The following SKAP2 variants were observed in gnomAD, a reference collection of about 807,000 sequenced individuals.
SKAP2 encodes the protein src kinase-associated phosphoprotein 2.
In SKAP2, 28 loss-of-function variants were observed where a neutral mutation model predicts 54.9. The observed-to-expected ratio is 0.51, with a 90% CI of 0.38 to 0.70. The LOEUF (loss-of-function observed/expected upper bound fraction) is 0.70. SKAP2 is among the 30% of genes least tolerant of loss of function. SKAP2 has a pLI of 0.00. For synonymous variants in SKAP2, 137 were observed against 134.3 expected (o/e 1.02, Z -0.14); for missense variants, 356 against 424.1 (o/e 0.84, Z 1.41).
intron 9 of SKAP2, among the ~76,000 whole-genome samples, chr7:26,719,257 C>T (rs1053921043): frequency 6.6e-6 from 1 of 152,140 alleles, no homozygotes; most frequent in African/African-American, 2.4e-5. Context: ...CACAGTATGG[C>T]TTGTTGTGAA....
chr7:26,766,529 A>AGG (rs1740757285), intron 4 of SKAP2, among the ~76,000 whole-genome samples: 1 of 152,238 alleles, frequency 6.6e-6, no homozygotes, highest in Admixed American at 6.5e-5. Flanking sequence ...GTGGTGAAAG[A>AGG]GGGCATCCTT....
chr7:26,712,940 C>A (rs899463780), intron 9 of SKAP2, among the ~76,000 whole-genome samples: 1 of 152,152 alleles, frequency 6.6e-6, no homozygotes, highest in Non-Finnish European at 1.5e-5. Context: ...TTTGTGTGGG[C>A]AATCTTATAT....
chr7:26,690,175 T>C, intron 10 of SKAP2, 110 bp downstream of exon 10: 1 of 773,704 alleles, frequency 1.3e-6, no homozygotes, highest in Non-Finnish European at 2.2e-6. Context: ...AAGCCAAAAA[T>C]GCCAACTTTG....
At chr7:26,696,219 G>A (rs765694578) in intron 9 of SKAP2, among the ~76,000 whole-genome samples, 1 of 152,082 alleles carries the variant, frequency 6.6e-6, no homozygotes, top group Non-Finnish European at 1.5e-5. Context: ...TTATTTTACA[G>A]CAATAAAATA....
chr7:26,787,743 G>A (rs750233676), intron 4 of SKAP2, among the ~76,000 whole-genome samples: 2 of 152,152 alleles, frequency 1.3e-5, no homozygotes, highest in Non-Finnish European at 2.9e-5. Flanking sequence ...GATCTCACAA[G>A]TACTCACTCA....
At chr7:26,863,780 CA>C (rs1049381628) in intron 1 of SKAP2, among the ~76,000 whole-genome samples, 1 of 152,120 alleles carries the variant, frequency 6.6e-6, no homozygotes, top group Non-Finnish European at 1.5e-5. Context: ...GACAAGTGGC[CA>C]TTTGAGAACC....
Position 26,738,871 on chromosome 7 carries a change from G to A in SKAP2, c.393C>T (p.Ser131=), listed in dbSNP as rs34506751. 5,549 of 1,590,752 alleles carry A rather than the reference G, an allele frequency of 3.5e-3. 151 individuals are homozygous for A. The African/African-American group carries it at 0.061, about 18-fold the overall frequency. Reference sequence around the variant, plus strand: ...GTTTCTGCCATTCAAATCCCAGAAAGCTGTGATCTGCAATAAAGAGGGGAA... The same window carrying A: ...GTTTCTGCCATTCAAATCCCAGAAAACTGTGATCTGCAATAAAGAGGGGAA... ...GYLEKRRKDH[S]FLGFEWQKRW... Residue 131 remains serine (S), a synonymous_variant, in exon 6 of 13, where the codon AGC becomes AGT. Transcript: ENST00000345317.
intron 4 of SKAP2, among the ~76,000 whole-genome samples, chr7:26,809,212 G>A (rs609841): frequency 0.52 from 78,359 of 151,196 alleles, 20,851 homozygotes; most frequent in East Asian, 0.85. Flanking sequence ...TCAGGAGTTT[G>A]AGACCAGCCT....
At chr7:26,655,799 GGTA>G in the SKAP2 span, among the ~76,000 whole-genome samples, 1 of 152,278 alleles carries the variant, frequency 6.6e-6, no homozygotes, top group African/African-American at 2.4e-5. Context: ...CATGACTGCA[GGTA>G]ATGATGAATC....
chr7:26,721,082 T>C (rs1238915652), intron 9 of SKAP2, among the ~76,000 whole-genome samples: 2 of 152,166 alleles, frequency 1.3e-5, no homozygotes, highest in Non-Finnish European at 2.9e-5. Context: ...TGAATATATG[T>C]GGTTCTATGA....
At chr7:26,827,303 AAAAGAATTAGTTGATATTC>A (rs1784511787) in intron 4 of SKAP2, among the ~76,000 whole-genome samples, 2 of 152,178 alleles carry the variant, frequency 1.3e-5, no homozygotes, top group Non-Finnish European at 2.9e-5. Context: ...TTAGGTATGA[AAAAGAATTAGTTGATATTC>A]AAATTCAATT....
chr7:26,671,540 A>G (rs1351985651), intron 11 of SKAP2, among the ~76,000 whole-genome samples: 1 of 152,060 alleles, frequency 6.6e-6, no homozygotes, highest in Non-Finnish European at 1.5e-5. Flanking sequence ...TAAAATCCAT[A>G]GGCACTTTTT....
chr7:26,761,772 C>T (rs995196621), intron 4 of SKAP2, among the ~76,000 whole-genome samples: 17 of 152,204 alleles, frequency 1.1e-4, no homozygotes, highest in Admixed American at 4.6e-4. Flanking sequence ...TGGTGGCACA[C>T]ATCTGTAATC....
Position 26,734,899 on chromosome 7 carries a change from A to G in SKAP2, c.469+3896T>C, listed in dbSNP as rs1042305490. Among the ~76,000 whole-genome samples the G allele has an allele frequency of 2.6e-5, 4 of 152,246 alleles. No homozygotes were observed. The South Asian group carries it at 6.2e-4, about 24-fold the overall frequency. On this transcript the variant is annotated intron_variant, in intron 6 of 12. Transcript: ENST00000345317. Reference sequence around the variant, plus strand: ...CAACATATGAATTTTGGAGGTACACATACATTCACACCATAGCATTCAACC... The same window carrying G: ...CAACATATGAATTTTGGAGGTACACGTACATTCACACCATAGCATTCAACC...
At chr7:26,749,638 C>T (rs116128675) in intron 4 of SKAP2, among the ~76,000 whole-genome samples, 1,786 of 151,782 alleles carry the variant, frequency 0.012, 36 homozygotes, top group African/African-American at 0.04. Flanking sequence ...GTCCTAGCTA[C>T]TCAGAAGGCA....
At chr7:26,821,466 A>G (rs893023777) in intron 4 of SKAP2, among the ~76,000 whole-genome samples, 1 of 152,222 alleles carries the variant, frequency 6.6e-6, no homozygotes, top group Non-Finnish European at 1.5e-5. Flanking sequence ...ACCTGTGAGG[A>G]AAGTTGGAGA....
At chr7:26,672,390 T>C (rs1244238781) in intron 11 of SKAP2, among the ~76,000 whole-genome samples, 1 of 152,030 alleles carries the variant, frequency 6.6e-6, no homozygotes, top group East Asian at 1.9e-4. Context: ...ATTTATTAAC[T>C]AGAAAGCATA....
intron 4 of SKAP2, among the ~76,000 whole-genome samples, chr7:26,740,596 A>G (rs1782420464): frequency 6.6e-6 from 1 of 152,226 alleles, no homozygotes. Flanking sequence ...AATCAAGCAA[A>G]AGTTAAGTTG....
rs551192106 is a variant in SKAP2 at position 26,788,894 on chromosome 7, T to C, written c.308-48930A>G. The stretch of plus-strand genomic sequence containing the variant: ...AAATAGACTGACAATTTTCTGAACA[T>C]AGTCTCTTCGGAATAATTATAAACA... On this transcript the variant is annotated intron_variant, in intron 4 of 12. Coordinates refer to ENST00000345317, the MANE Select transcript of SKAP2 (RefSeq NM_003930.5). 5.3e-5 allele frequency among the ~76,000 whole-genome samples: 8 copies of C among 152,128 alleles called. No homozygotes were observed. In the South Asian group the frequency reaches 1.2e-3, roughly 24 times the overall value.
Sources: gnomAD v4.1 joint callset for allele counts (sites outside exome capture counted in the v4.1 genomes callset) on GRCh38, gnomAD v4.1.1 for gene constraint, MANE v1.5 for transcripts, NCBI Gene and HGNC (gene_info 2026-07-23, HGNC 2026-07-21) for gene names.